Variants in CACNA2D3 observed in about 807,000 individuals in gnomAD.
The protein encoded by CACNA2D3 is voltage-dependent calcium channel subunit alpha-2/delta-3.
CACNA2D3 carries 60 observed loss-of-function variants against 160.6 expected under a neutral mutation model. The ratio of observed to expected loss-of-function variants is 0.37; its 90% CI spans 0.30 to 0.46. CACNA2D3 has a LOEUF of 0.46. Among genes scored for constraint, CACNA2D3 ranks in the 20% least tolerant of loss-of-function variants. The probability of loss-of-function intolerance (pLI) is 1.00; values close to 1 mark genes in which losing one functional copy is unlikely to be tolerated. For synonymous variants in CACNA2D3, 558 were observed against 492.9 expected (o/e 1.13, Z -1.75); for missense variants, 1,205 against 1,365.0 (o/e 0.88, Z 1.85).
At chr3:54,280,104 C>G (rs150611069) in intron 2 of CACNA2D3, among the ~76,000 whole-genome samples, 2 of 148,958 alleles carry the variant, frequency 1.3e-5, no homozygotes, top group African/African-American at 4.9e-5. Context: ...TTATTTGAGA[C>G]GGAGTCTTGT....
chr3:54,341,923 T>G (rs1207351917), intron 3 of CACNA2D3, among the ~76,000 whole-genome samples: 1 of 152,194 alleles, frequency 6.6e-6, no homozygotes, highest in Non-Finnish European at 1.5e-5. Flanking sequence ...ATTTATTAAG[T>G]GTTTCCAGTG....
At chr3:54,575,954 G>A (rs11721208) in intron 8 of CACNA2D3, among the ~76,000 whole-genome samples, 18,387 of 152,074 alleles carry the variant, frequency 0.12, 1,347 homozygotes, top group Middle Eastern at 0.23. Context: ...AAGTGGATCC[G>A]GTGAGTGATG....
At chr3:54,344,018 T>A (rs1698412009) in intron 3 of CACNA2D3, among the ~76,000 whole-genome samples, 1 of 152,226 alleles carries the variant, frequency 6.6e-6, no homozygotes, top group African/African-American at 2.4e-5. Context: ...ATATGCATTT[T>A]AAAAAATTCA....
At chr3:54,184,671 G>C (rs150019998) in intron 2 of CACNA2D3, among the ~76,000 whole-genome samples, 2 of 152,292 alleles carry the variant, frequency 1.3e-5, no homozygotes, top group Non-Finnish European at 2.9e-5. Context: ...TATCATACTC[G>C]ATGGCATTGA....
chr3:54,923,651 A>G (rs1700918801), intron 27 of CACNA2D3, among the ~76,000 whole-genome samples: 1 of 152,222 alleles, frequency 6.6e-6, no homozygotes, highest in African/African-American at 2.4e-5. Flanking sequence ...TACAAAAGGC[A>G]CTCAAATATA....
intron 3 of CACNA2D3, among the ~76,000 whole-genome samples, chr3:54,381,902 C>A (rs567717603): frequency 6.6e-6 from 1 of 152,302 alleles, no homozygotes; most frequent in Non-Finnish European, 1.5e-5. Context: ...TGCATCAACT[C>A]ATGAATTACA....
chr3:54,141,094 C>CGCGCGCGCGCGCACGA (rs768348036), intron 2 of CACNA2D3, among the ~76,000 whole-genome samples: 1 of 81,976 alleles, frequency 1.2e-5, no homozygotes. Context: ...TGTGCGCGCG[C>CGCGCGCGCGCGCACGA]GCGCGTGTGT....
At position 54,885,264 on chromosome 3, in the gene CACNA2D3, T is replaced by G; in HGVS notation, c.1913-17T>G. The G allele has an allele frequency of 6.2e-7, 1 of 1,613,762 alleles. No individual in the cohort carries two copies. The highest frequency in any genetic ancestry group is 8.5e-7 in the Non-Finnish European group (1 of 1,179,688). On this transcript the variant is annotated splice_polypyrimidine_tract_variant and intron_variant, in intron 21 of 37. Transcript: ENST00000474759. The stretch of plus-strand genomic sequence containing the variant: ...GGAGTGATACTTATTCATGAACCCC[T>G]TCTCCTTGACCCCCAGGCCTGCATG...
chr3:54,475,885 G>T (rs968827281), intron 4 of CACNA2D3, among the ~76,000 whole-genome samples: 1 of 142,538 alleles, frequency 7.0e-6, no homozygotes, highest in African/African-American at 2.6e-5. Flanking sequence ...CAAATTTCAG[G>T]TATTCAGTGC....
At chr3:54,187,191 C>T (rs997776532) in intron 2 of CACNA2D3, among the ~76,000 whole-genome samples, 9 of 152,188 alleles carry the variant, frequency 5.9e-5, no homozygotes, top group African/African-American at 2.2e-4. Flanking sequence ...CACTTGACAT[C>T]TTGGCCTTCA....
rs767838008 is a variant in CACNA2D3 at position 54,569,824 on chromosome 3, G to A, written c.706G>A (p.Val236Ile). The A allele has an allele frequency of 3.7e-6, 6 of 1,606,128 alleles. No individual in the cohort carries two copies. Among genetic ancestry groups the A allele is most frequent in the Non-Finnish European group, 4.3e-6 (5 of 1,175,936 alleles). ...TAAATGGGAACCAGATGAGAATGGA[G>A]TCATTGCCTTCGACTGCAGGAACCG... The part of the protein sequence containing the change: ...GIKWEPDENG[V>I]IAFDCRNRKW... Residue 236 changes from valine to isoleucine, a missense_variant, in exon 7 of 38, where the codon GTC (valine) becomes ATC (isoleucine). Physicochemically the swap from Val to Ile is conservative, Grantham distance 29. This residue lies in a region of CACNA2D3 where 131 missense variants were observed against 201.5 expected (regional missense o/e 0.65). Transcript: ENST00000474759.
chr3:54,660,427 T>C (rs1001733159), intron 11 of CACNA2D3, among the ~76,000 whole-genome samples: 11 of 152,226 alleles, frequency 7.2e-5, no homozygotes, highest in African/African-American at 2.7e-4. Flanking sequence ...CCCAAAGTGC[T>C]GGGATTACAG....
chr3:54,957,171 T>G (rs34973975), intron 27 of CACNA2D3, among the ~76,000 whole-genome samples: 55,638 of 151,824 alleles, frequency 0.37, 12,647 homozygotes, highest in East Asian at 0.55. Flanking sequence ...ATTTTCTTTT[T>G]TTTTTTTTTA....
At chr3:54,332,893 C>T (rs970614441) in intron 3 of CACNA2D3, among the ~76,000 whole-genome samples, 3 of 152,240 alleles carry the variant, frequency 2.0e-5, no homozygotes, top group East Asian at 1.9e-4. Flanking sequence ...GCTCCCTCCC[C>T]ACATGGAGTT....
intron 14 of CACNA2D3, among the ~76,000 whole-genome samples, chr3:54,829,885 CTTTTTTTTTTTTTT>C (rs58291013): frequency 6.2e-5 from 4 of 64,310 alleles, no homozygotes; most frequent in East Asian, 5.1e-4. Context: ...TCTTCTTCAT[CTTTTTTTTTTTTTT>C]TTTTTTTTTT....
chr3:54,845,127 T>C (rs1559602498), intron 16 of CACNA2D3, among the ~76,000 whole-genome samples: 3 of 148,808 alleles, frequency 2.0e-5, no homozygotes, highest in South Asian at 2.2e-4. Flanking sequence ...TAGAGTCAAG[T>C]AGAATCTTAT....
chr3:54,490,297 C>T lies in CACNA2D3; in HGVS notation c.382-13195C>T, dbSNP rs1179811920. Among the ~76,000 whole-genome samples the T allele has an allele frequency of 5.4e-5, 8 of 148,492 alleles. No homozygotes were observed. In the Admixed American group the frequency reaches 5.4e-4, roughly 10 times the overall value. Reference sequence around the variant, plus strand: ...CCCACTTCACAGGAAGAGAAACAGTCCGAGACTCAGCAGTAAGCACCGTTC... The same window carrying T: ...CCCACTTCACAGGAAGAGAAACAGTTCGAGACTCAGCAGTAAGCACCGTTC... On this transcript the variant is annotated intron_variant, in intron 4 of 37. Transcript: ENST00000474759.
intron 2 of CACNA2D3, among the ~76,000 whole-genome samples, chr3:54,182,632 A>G (rs573779054): frequency 9.8e-5 from 15 of 152,322 alleles, no homozygotes; most frequent in African/African-American, 2.9e-4. Context: ...TAGAGTGACT[A>G]TGTTAGATAA....
intron 11 of CACNA2D3, among the ~76,000 whole-genome samples, chr3:54,708,384 T>C (rs1430202901): frequency 6.6e-6 from 1 of 152,200 alleles, no homozygotes; most frequent in African/African-American, 2.4e-5. Flanking sequence ...TTTAGATTAC[T>C]AGCTGTGTGG....
Sources: gnomAD v4.1 joint callset for allele counts (sites outside exome capture counted in the v4.1 genomes callset) on GRCh38, gnomAD v4.1.1 for gene constraint, gnomAD v4.1.1 regional missense constraint, MANE v1.5 for transcripts, NCBI Gene and HGNC (gene_info 2026-07-23, HGNC 2026-07-21) for gene names.